DEPDC5: variants seen among roughly 807,000 people sequenced by gnomAD.
DEPDC5 encodes the protein DEP domain containing 5, GATOR1 subcomplex subunit.
Under a neutral mutation model 217.3 loss-of-function variants are expected in DEPDC5, and 73 were observed. The ratio of observed to expected loss-of-function variants is 0.34; its 90% confidence interval spans 0.28 to 0.41. The LOEUF (loss-of-function observed/expected upper bound fraction) is 0.41. Ranked by LOEUF, DEPDC5 falls within the 10% of genes least tolerant of loss-of-function variation. The pLI is 1.00. For synonymous variants in DEPDC5, 733 were observed against 756.7 expected (o/e 0.97, Z 0.51); for missense variants, 1,675 against 2,070.1 (o/e 0.81, Z 3.70).
At position 31,819,136 on chromosome 22, in the gene DEPDC5, A is replaced by G. The variant is rs972792690; in HGVS notation, c.1781A>G (p.Gln594Arg). Residue 594 changes from glutamine to arginine, a missense_variant, in exon 22 of 43, where the codon CAG becomes CGG. By Grantham distance (43) the Gln-to-Arg change is conservative. This residue lies in a region of DEPDC5 where 628 missense variants were observed against 762.1 expected (regional missense o/e 0.82). Coordinates refer to ENST00000651528, the MANE Select transcript of DEPDC5 (RefSeq NM_001242896.3). ...GTTCGACCTGGTGGATACACGCCCC[A>G]GAGAGCACTGATTAACCCCTTCGCT... Reference protein sequence around the residue: ...LHVRPGGYTPQRALINPFAPS... With the variant: ...LHVRPGGYTPRRALINPFAPS... 6.2e-7 allele frequency: 1 copy of G among 1,614,168 alleles called. No homozygotes were observed. The highest frequency in any genetic ancestry group is 8.5e-7 in the Non-Finnish European group (1 of 1,180,022).
intron 7 of DEPDC5, chr22:31,769,715 G>T (rs2083163135): frequency 6.6e-6 from 1 of 151,932 alleles, no homozygotes; most frequent in Non-Finnish European, 1.5e-5. Flanking sequence ...GAGCCCAGGA[G>T]TTGAAGACCA....
intron 7 of DEPDC5, among the ~76,000 whole-genome samples, chr22:31,777,093 A>G (rs2083941587): frequency 6.8e-6 from 1 of 146,848 alleles, no homozygotes; most frequent in Non-Finnish European, 1.5e-5. Flanking sequence ...CTCCCTAAGT[A>G]GCTGGGTCTA....
At position 31,768,715 on chromosome 22, in the gene DEPDC5, G is replaced by A. The variant is rs2083043382; in HGVS notation, c.364-99G>A. The A allele has an allele frequency of 9.5e-6, 10 of 1,047,858 alleles. No homozygotes were observed. The South Asian group carries it at 1.4e-4, about 14-fold the overall frequency. 64.9% of individuals were successfully genotyped at this position (1,047,858 alleles called of 1,614,324 possible). ...ATTAGAAAGCTAGGAGTTCTTGTTTGTGATTTTTCATGGCCTTAATATGTT... is the reference window on the plus strand; with the variant it reads ...ATTAGAAAGCTAGGAGTTCTTGTTTATGATTTTTCATGGCCTTAATATGTT... On this transcript the variant is annotated intron_variant, in intron 6 of 42. Coordinates refer to ENST00000651528, the MANE Select transcript of DEPDC5 (RefSeq NM_001242896.3).
At chr22:31,765,187 G>A (rs192172168) in intron 5 of DEPDC5, 127 bp downstream of exon 5, 9 of 740,674 alleles carry the variant, frequency 1.2e-5, no homozygotes, top group Admixed American at 4.6e-5. Context: ...CCTGCTAGGT[G>A]TGGTAATTTC....
At chr22:31,783,366 C>T (rs983328538) in intron 8 of DEPDC5, among the ~76,000 whole-genome samples, 7 of 152,090 alleles carry the variant, frequency 4.6e-5, no homozygotes, top group African/African-American at 1.4e-4. Context: ...CATGAAGGTC[C>T]GCAGCTTCAT....
chr22:31,874,181 T>C, intron 35 of DEPDC5, 92 bp from the exon 36 acceptor site: 2 of 1,510,092 alleles, frequency 1.3e-6, no homozygotes, highest in Non-Finnish European at 1.8e-6. Flanking sequence ...TTAAATGCTC[T>C]AGTGGGAGTC....
At position 31,767,016 on chromosome 22, in the gene DEPDC5, A is replaced by C. The variant is rs556297401; in HGVS notation, c.363+348A>C. Among the ~76,000 whole-genome samples, 6 of 152,296 alleles carry C rather than the reference A, an allele frequency of 3.9e-5. No homozygotes were observed. In the South Asian group the frequency reaches 1.0e-3, roughly 26 times the overall value. On this transcript the variant is annotated intron_variant, in intron 6 of 42. Transcript: ENST00000651528. ...CTAATTTATAGAGGTAGAAACTGAGATTGAGAAGTTAGGTAATTGCCCAAG... is the reference window on the plus strand; with the variant it reads ...CTAATTTATAGAGGTAGAAACTGAGCTTGAGAAGTTAGGTAATTGCCCAAG...
chr22:31,770,016 C>T (rs1284718442), intron 7 of DEPDC5, among the ~76,000 whole-genome samples: 1 of 151,270 alleles, frequency 6.6e-6, no homozygotes, highest in Admixed American at 6.6e-5. Context: ...GTGCTTGAGC[C>T]CCAGGAGTTC....
chr22:31,784,395 G>C (rs563123159), intron 9 of DEPDC5: 4 of 191,350 alleles, frequency 2.1e-5, no homozygotes, highest in African/African-American at 9.5e-5. Context: ...TTGGGAGGCT[G>C]AGGTGGGCGG....
At chr22:31,864,514 ATATATATATATT>A (rs1298258070) in intron 33 of DEPDC5, among the ~76,000 whole-genome samples, 5 of 139,500 alleles carry the variant, frequency 3.6e-5, no homozygotes, top group Middle Eastern at 3.7e-3. Context: ...ATATATATAT[ATATATATATATT>A]TATATATTTA....
intron 37 of DEPDC5, among the ~76,000 whole-genome samples, chr22:31,878,185 CAAA>C (rs112151571): frequency 1.6e-5 from 2 of 125,342 alleles, no homozygotes; most frequent in African/African-American, 2.9e-5. Context: ...GACTCCATCT[CAAA>C]AAAAAAAAAA....
chr22:31,808,481 C>T (rs1002136069), intron 18 of DEPDC5, among the ~76,000 whole-genome samples: 1 of 151,380 alleles, frequency 6.6e-6, no homozygotes, highest in Admixed American at 6.6e-5. Context: ...GTCTCCCAGG[C>T]TGGAGTGCAA....
intron 36 of DEPDC5, among the ~76,000 whole-genome samples, chr22:31,874,838 A>C (rs1027944497): frequency 6.6e-6 from 1 of 152,152 alleles, no homozygotes; most frequent in Admixed American, 6.5e-5. Flanking sequence ...AACAGAATGA[A>C]GATCTTTCTC....
chr22:31,792,587 CAG>C, intron 11 of DEPDC5, 156 bp from the exon 12 acceptor site: 1 of 394,286 alleles, frequency 2.5e-6, no homozygotes, highest in Non-Finnish European at 4.0e-6. Context: ...GTCTGGGTGA[CAG>C]AGTGAGACCT....
intron 33 of DEPDC5, among the ~76,000 whole-genome samples, chr22:31,865,369 C>T (rs749302410): frequency 6.6e-6 from 1 of 152,008 alleles, no homozygotes; most frequent in South Asian, 2.1e-4. Context: ...TGGTGCATGC[C>T]TGCGGTCTCA....
chr22:31,790,704 A>G (rs2148486425), intron 10 of DEPDC5, among the ~76,000 whole-genome samples: 1 of 151,538 alleles, frequency 6.6e-6, no homozygotes, highest in East Asian at 1.9e-4. Flanking sequence ...ACTTGAGCCC[A>G]GCCTGGGGAT....
intron 26 of DEPDC5, among the ~76,000 whole-genome samples, 174 bp from the exon 27 acceptor site, chr22:31,838,511 A>G (rs2091188148): frequency 6.6e-6 from 1 of 152,132 alleles, no homozygotes; most frequent in Non-Finnish European, 1.5e-5. Flanking sequence ...TCAGCCTTCC[A>G]GAGTGCTAGG....
intron 8 of DEPDC5, among the ~76,000 whole-genome samples, chr22:31,782,427 G>A (rs979755006): frequency 1.3e-5 from 2 of 152,168 alleles, no homozygotes; most frequent in Admixed American, 6.5e-5. Context: ...GTCAGCCATC[G>A]TGCCCGGCCA....
chr22:31,822,204 C>T (rs1464628067), intron 23 of DEPDC5, among the ~76,000 whole-genome samples: 6 of 152,164 alleles, frequency 3.9e-5, no homozygotes, highest in African/African-American at 9.7e-5. Context: ...GGCGTGAGCC[C>T]GGGTTACACC....
Sources: allele counts gnomAD v4.1 joint callset (sites outside exome capture counted in the v4.1 genomes callset), GRCh38; gene constraint gnomAD v4.1.1; regional missense constraint gnomAD v4.1.1; transcripts MANE v1.5; gene names NCBI Gene and HGNC (gene_info 2026-07-23, HGNC 2026-07-21).